The following CLNK variants were observed in gnomAD, a reference collection of about 807,000 sequenced individuals.
CLNK encodes cytokine dependent hematopoietic cell linker.
Under a neutral mutation model 68.6 loss-of-function variants are expected in CLNK, and 74 were observed. The observed-to-expected ratio is 1.08, with a 90% confidence interval of 0.89 to 1.31. CLNK has a LOEUF of 1.31. CLNK is among the 50% of genes most tolerant of loss of function. CLNK has a pLI of 0.00. For synonymous variants in CLNK, 198 were observed against 172.2 expected, an observed-to-expected ratio of 1.15 and a Z score of -1.17; for missense variants, 553 against 515.3, an observed-to-expected ratio of 1.07 and a Z score of -0.71.
chr4:10,503,652 C>G lies in CLNK; in HGVS notation c.985-2241G>C, dbSNP rs978694705. On this transcript the variant is annotated intron_variant, in intron 17 of 18. Coordinates refer to ENST00000226951, the MANE Select transcript of CLNK (RefSeq NM_052964.4). ...TACTATATAATATAACATAACAATA[C>G]TTTAAGTATACAAAATTTAGAAATA... Among the ~76,000 whole-genome samples the G allele has an allele frequency of 5.4e-5, 8 of 148,278 alleles. 1 individual carries two copies. Among genetic ancestry groups the G allele is most frequent in the Admixed American group, 4.1e-4 (6 of 14,802 alleles).
intron 2 of CLNK, among the ~76,000 whole-genome samples, chr4:10,651,858 T>C (rs1267832727): frequency 6.6e-6 from 1 of 151,932 alleles, no homozygotes; most frequent in Non-Finnish European, 1.5e-5. Context: ...ACTTGTGTAT[T>C]AAAATATCTA....
At chr4:10,503,610 TATA>T (rs1221006652) in intron 17 of CLNK, among the ~76,000 whole-genome samples, 3 of 148,454 alleles carry the variant, frequency 2.0e-5, no homozygotes, top group South Asian at 4.2e-4. Context: ...AATATAGATA[TATA>T]ATAATGGTAA....
chr4:10,654,714 A>C (rs1195749746), intron 2 of CLNK, among the ~76,000 whole-genome samples: 1 of 152,146 alleles, frequency 6.6e-6, no homozygotes, highest in African/African-American at 2.4e-5. Context: ...TGTTGTCTGC[A>C]TCCCATCAAA....
Position 10,644,612 on chromosome 4 carries a change from A to G in CLNK, c.11+23247T>C, listed in dbSNP as rs79950811. Among the ~76,000 whole-genome samples, 714 of 152,342 alleles carry G rather than the reference A, an allele frequency of 4.7e-3. 11 individuals carry two copies. The highest frequency in any genetic ancestry group is 0.016 in the African/African-American group (677 of 41,590). ...AGGGTGAGACACATGAGGCCCTTGC[A>G]TTGATAGCAAAATTTAAGAGGGCAC... On this transcript the variant is annotated intron_variant, in intron 2 of 18. Transcript: ENST00000226951.
chr4:10,645,045 C>A (rs1359387495), intron 2 of CLNK, among the ~76,000 whole-genome samples: 2 of 152,186 alleles, frequency 1.3e-5, no homozygotes, highest in African/African-American at 2.4e-5. Flanking sequence ...GTGATTGAAT[C>A]TTGAAATACA....
chr4:10,698,787 T>C, the CLNK span, among the ~76,000 whole-genome samples: 1 of 152,310 alleles, frequency 6.6e-6, no homozygotes, highest in East Asian at 1.9e-4. Flanking sequence ...ATTCTGGGGA[T>C]TACTGTGCAG....
intron 2 of CLNK, among the ~76,000 whole-genome samples, chr4:10,624,681 G>T (rs1003266518): frequency 6.7e-6 from 1 of 148,574 alleles, no homozygotes; most frequent in Non-Finnish European, 1.5e-5. Context: ...GATGTCTCAG[G>T]ATCTCTAAGA....
At chr4:10,628,085 A>G (rs7659918) in intron 2 of CLNK, among the ~76,000 whole-genome samples, 191 of 152,268 alleles carry the variant, frequency 1.3e-3, no homozygotes, top group African/African-American at 4.1e-3. Flanking sequence ...GCCTCCTCCA[A>G]TCTGTTTCCA....
At chr4:10,531,848 G>A in intron 12 of CLNK, 1 of 463,528 alleles carries the variant, frequency 2.2e-6, no homozygotes, top group Non-Finnish European at 4.3e-6. Context: ...CCCAGGTCTT[G>A]TGCAACTTTG....
At chr4:10,733,558 T>C in the CLNK span, among the ~76,000 whole-genome samples, 22 of 152,350 alleles carry the variant, frequency 1.4e-4, no homozygotes, top group East Asian at 4.2e-3. Context: ...GCCTAGCACC[T>C]TCAGTGAATG....
At chr4:10,566,379 T>C (rs1720117128) in intron 5 of CLNK, among the ~76,000 whole-genome samples, 2 of 152,230 alleles carry the variant, frequency 1.3e-5, no homozygotes, top group South Asian at 4.1e-4. Context: ...CTAATCTAGG[T>C]ACTGCTGTGA....
intron 3 of CLNK, among the ~76,000 whole-genome samples, chr4:10,593,994 G>T (rs1373297955): frequency 6.6e-6 from 1 of 152,182 alleles, no homozygotes; most frequent in Non-Finnish European, 1.5e-5. Context: ...AAGCCCTTCA[G>T]CTCCCTGGTT....
At chr4:10,516,301 T>TA (rs1344845719) in intron 15 of CLNK, among the ~76,000 whole-genome samples, 2 of 152,198 alleles carry the variant, frequency 1.3e-5, no homozygotes, top group Non-Finnish European at 2.9e-5. Flanking sequence ...TAATTAATTC[T>TA]AAAAAACATA....
intron 2 of CLNK, among the ~76,000 whole-genome samples, chr4:10,636,446 C>T (rs918623206): frequency 1.3e-5 from 2 of 152,176 alleles, no homozygotes; most frequent in East Asian, 1.9e-4. Context: ...GAGAGCACAT[C>T]GCCCTGCTCA....
chr4:10,508,613 G>A (rs970659655), intron 16 of CLNK, among the ~76,000 whole-genome samples: 10 of 152,212 alleles, frequency 6.6e-5, no homozygotes, highest in African/African-American at 2.2e-4. Flanking sequence ...AGGAAGGGCA[G>A]TCAGGGAGAT....
At position 10,667,846 on chromosome 4, in the gene CLNK, C is replaced by CCTTTTCCATGGGCGCCCACATTGG; in HGVS notation, c.11+12_11+13insCCAATGTGGGCGCCCATGGAAAAG. ...AAGGGAACTGGGGCTCACAGTGATC[C>CCTTTTCCATGGGCGCCCACATTGG]CACGGTACTTACTGCCTGTTCATAG... On this transcript the variant is annotated intron_variant, in intron 2 of 18. Coordinates refer to ENST00000226951, the MANE Select transcript of CLNK (RefSeq NM_052964.4). The CCTTTTCCATGGGCGCCCACATTGG allele has an allele frequency of 6.3e-7, 1 of 1,582,638 alleles. No individual in the cohort carries two copies. Among genetic ancestry groups the CCTTTTCCATGGGCGCCCACATTGG allele is most frequent in the Non-Finnish European group, 8.6e-7 (1 of 1,162,032 alleles).
intron 2 of CLNK, among the ~76,000 whole-genome samples, chr4:10,621,007 G>A (rs1426706877): frequency 6.6e-6 from 1 of 152,072 alleles, no homozygotes; most frequent in Non-Finnish European, 1.5e-5. Context: ...CTGCTCAGGA[G>A]GCTGAGGCAG....
chr4:10,682,831 C>T (rs1355421335), intron 1 of CLNK, among the ~76,000 whole-genome samples: 1 of 152,136 alleles, frequency 6.6e-6, no homozygotes, highest in East Asian at 1.9e-4. Context: ...TATTCAAAGG[C>T]CTACATTACA....
intron 18 of CLNK, among the ~76,000 whole-genome samples, chr4:10,499,957 A>G (rs933096365): frequency 6.6e-6 from 1 of 152,168 alleles, no homozygotes; most frequent in Non-Finnish European, 1.5e-5. Flanking sequence ...CTTCAAATAC[A>G]GTCACATTCT....
Sources: gnomAD v4.1 joint callset for allele counts (sites outside exome capture counted in the v4.1 genomes callset) on GRCh38, gnomAD v4.1.1 for gene constraint, MANE v1.5 for transcripts, NCBI Gene and HGNC (gene_info 2026-07-23, HGNC 2026-07-21) for gene names.